Variants in DTNA observed in about 807,000 individuals in gnomAD.
DTNA encodes dystrophin-related protein 3.
DTNA carries 43 observed loss-of-function variants against 100.7 expected under a neutral mutation model. The ratio of observed to expected loss-of-function variants is 0.43; its 90% CI spans 0.33 to 0.55. DTNA has a LOEUF of 0.55. Among genes scored for constraint, DTNA ranks in the 20% least tolerant of loss-of-function variants. The probability of loss-of-function intolerance (pLI) is 0.04; values close to 1 mark genes in which losing one functional copy is unlikely to be tolerated. For missense variants in DTNA, 798 were observed against 953.9 expected, an observed-to-expected ratio of 0.84 and a Z score of 2.15; for synonymous variants, 349 against 347.9, an observed-to-expected ratio of 1.00 and a Z score of -0.04.
chr18:34,863,841 C>A, intron 16 of DTNA, 125 bp from the exon 17 acceptor site: 1 of 866,590 alleles, frequency 1.2e-6, no homozygotes, highest in Non-Finnish European at 1.9e-6. Context: ...AGTTCCCTGC[C>A]TGGTAACCTT....
At chr18:34,626,184 CACAT>C (rs981988686) in intron 1 of DTNA, among the ~76,000 whole-genome samples, 3 of 152,098 alleles carry the variant, frequency 2.0e-5, no homozygotes, top group African/African-American at 4.8e-5. Flanking sequence ...TTACATCAGA[CACAT>C]ACAGAGAACT....
chr18:34,583,921 A>AGGCTACAAG (rs2048875418), intron 1 of DTNA, among the ~76,000 whole-genome samples: 1 of 152,196 alleles, frequency 6.6e-6, no homozygotes, highest in Admixed American at 6.5e-5. Context: ...TTAACTATAG[A>AGGCTACAAG]GGCTACAAGC....
At chr18:34,665,963 G>A (rs188052607) in intron 1 of DTNA, among the ~76,000 whole-genome samples, 7 of 152,236 alleles carry the variant, frequency 4.6e-5, no homozygotes, top group Non-Finnish European at 1.0e-4. Flanking sequence ...GGGTCAAATG[G>A]TATTTCTAGC....
At chr18:34,806,963 C>T (rs1336680653) in intron 5 of DTNA, among the ~76,000 whole-genome samples, 1 of 152,118 alleles carries the variant, frequency 6.6e-6, no homozygotes, top group African/African-American at 2.4e-5. Flanking sequence ...AACTGAGACT[C>T]AGTTAACCAT....
intron 1 of DTNA, among the ~76,000 whole-genome samples, chr18:34,501,871 G>T (rs906584710): frequency 1.3e-5 from 2 of 152,170 alleles, no homozygotes; most frequent in South Asian, 4.1e-4. Flanking sequence ...GTGTCTCTCT[G>T]TGTGTCCAAA....
intron 1 of DTNA, among the ~76,000 whole-genome samples, chr18:34,561,904 C>T (rs2849488): frequency 0.092 from 13,928 of 151,892 alleles, 644 homozygotes; most frequent in South Asian, 0.11. Flanking sequence ...ATACTTGTGC[C>T]GACGGAAAGT....
intron 1 of DTNA, among the ~76,000 whole-genome samples, chr18:34,644,372 G>A (rs187258779): frequency 6.6e-6 from 1 of 152,154 alleles, no homozygotes; most frequent in East Asian, 1.9e-4. Context: ...TATTAGTTGA[G>A]GTACATAGAG....
rs372232625 is a variant in DTNA at position 34,506,354 on chromosome 18, G to A, written c.-2+12840G>A. Among the ~76,000 whole-genome samples the A allele has an allele frequency of 1.5e-4, 23 of 152,078 alleles. 1 individual carries two copies. The East Asian group carries it at 3.7e-3, about 24-fold the overall frequency. On this transcript the variant is annotated intron_variant, in intron 1 of 19. Coordinates refer to the DTNA transcript ENST00000283365. Reference sequence around the variant, plus strand: ...ACATAGTGGGGGTGAGGAATAGGGGGGGTCTTTATTACCACTGGTGAAAAT... The same window carrying A: ...ACATAGTGGGGGTGAGGAATAGGGGAGGTCTTTATTACCACTGGTGAAAAT...
chr18:34,860,220 G>GTATTTTTTTTT lies in DTNA; in HGVS notation c.1646+1823_1646+1824insATTTTTTTTTT, dbSNP rs749839630. Reference sequence around the variant, plus strand: ...TGCCACCACGCCCGGCTAATTTTTTGTTTTTTTTTTTTTTTTTTTTTTTTT... The same window carrying GTATTTTTTTTT: ...TGCCACCACGCCCGGCTAATTTTTTGTATTTTTTTTTTTTTTTTTTTTTTTTTTTTTTTTTT... On this transcript the variant is annotated intron_variant, in intron 16 of 22. Coordinates refer to ENST00000444659, the MANE Select transcript of DTNA (RefSeq NM_001386795.1). Among the ~76,000 whole-genome samples the GTATTTTTTTTT allele has an allele frequency of 1.6e-4, 13 of 80,278 alleles. 2 individuals carry two copies. Among genetic ancestry groups the GTATTTTTTTTT allele is most frequent in the African/African-American group, 1.9e-4 (4 of 21,234 alleles). The allele number at this position is 80,278 out of a possible 152,430, so 52.7% of individuals were successfully genotyped here. A position where few individuals can be genotyped will look rare whatever the true frequency, so the allele number is the denominator to read the frequency against.
Position 34,860,220 on chromosome 18 carries a change from G to GTATTTTT in DTNA, c.1646+1823_1646+1824insATTTTTT, listed in dbSNP as rs749839630. Among the ~76,000 whole-genome samples, 6 of 80,280 alleles carry GTATTTTT rather than the reference G, an allele frequency of 7.5e-5. 2 individuals carry two copies. The highest frequency in any genetic ancestry group is 2.4e-4 in the African/African-American group (5 of 21,236). 52.7% of individuals were successfully genotyped at this position (80,280 alleles called of 152,430 possible). A position where few individuals can be genotyped will look rare whatever the true frequency, so the allele number is the denominator to read the frequency against. On this transcript the variant is annotated intron_variant, in intron 16 of 22. Transcript: ENST00000444659. Reference sequence around the variant, plus strand: ...TGCCACCACGCCCGGCTAATTTTTTGTTTTTTTTTTTTTTTTTTTTTTTTT... The same window carrying GTATTTTT: ...TGCCACCACGCCCGGCTAATTTTTTGTATTTTTTTTTTTTTTTTTTTTTTTTTTTTTT...
intron 1 of DTNA, among the ~76,000 whole-genome samples, chr18:34,671,906 C>T (rs1409462412): frequency 1.3e-5 from 2 of 152,184 alleles, no homozygotes; most frequent in African/African-American, 4.8e-5. Context: ...ATCATGATCA[C>T]ATAGTATCAG....
chr18:34,595,334 A>T (rs1448887961), intron 1 of DTNA, among the ~76,000 whole-genome samples: 1 of 152,232 alleles, frequency 6.6e-6, no homozygotes, highest in Non-Finnish European at 1.5e-5. Context: ...AATAAATGAA[A>T]ATATGTTAGG....
intron 1 of DTNA, among the ~76,000 whole-genome samples, chr18:34,494,887 A>G (rs1474499315): frequency 6.6e-6 from 1 of 151,992 alleles, no homozygotes; most frequent in African/African-American, 2.4e-5. Flanking sequence ...TTAAAAAATA[A>G]TGGTTTTTTT....
chr18:34,780,543 A>T (rs1442274919), intron 3 of DTNA, among the ~76,000 whole-genome samples: 1 of 152,268 alleles, frequency 6.6e-6, no homozygotes, highest in East Asian at 1.9e-4. Context: ...CAATTTAAAT[A>T]GTGCTAAATA....
intron 17 of DTNA, 42 bp downstream of exon 17, chr18:34,864,104 G>T: frequency 6.4e-7 from 1 of 1,553,696 alleles, no homozygotes; most frequent in Non-Finnish European, 8.7e-7. Flanking sequence ...TATTTTCCAT[G>T]TCATCTGTGA....
intron 1 of DTNA, among the ~76,000 whole-genome samples, chr18:34,711,063 G>T (rs1406000612): frequency 6.6e-6 from 1 of 152,074 alleles, no homozygotes; most frequent in Non-Finnish European, 1.5e-5. Context: ...GTGGCTGTAT[G>T]TGTGATACAG....
At chr18:34,593,121 GTAATATCCGTCAAT>G in intron 1 of DTNA, among the ~76,000 whole-genome samples, 1 of 152,146 alleles carries the variant, frequency 6.6e-6, no homozygotes, top group Admixed American at 6.5e-5. Flanking sequence ...AAGTGTTTCC[GTAATATCCGTCAAT>G]GAAAGCATCT....
intron 1 of DTNA, among the ~76,000 whole-genome samples, chr18:34,590,677 A>G (rs530747582): frequency 3.9e-5 from 6 of 152,350 alleles, no homozygotes; most frequent in Non-Finnish European, 5.9e-5. Flanking sequence ...TGATAAATCA[A>G]GGGTATCTGA....
chr18:34,829,638 T>C, intron 11 of DTNA, 149 bp downstream of exon 11: 1 of 850,342 alleles, frequency 1.2e-6, no homozygotes, highest in East Asian at 2.8e-5. Context: ...TGTTGAGACT[T>C]TTCAACTTGA....
Sources: allele counts gnomAD v4.1 joint callset (sites outside exome capture counted in the v4.1 genomes callset), GRCh38; gene constraint gnomAD v4.1.1; transcripts MANE v1.5; gene names NCBI Gene and HGNC (gene_info 2026-07-23, HGNC 2026-07-21).